Variants in SLC26A7 observed in about 807,000 individuals in gnomAD.
SLC26A7 encodes the protein anion exchange transporter.
A neutral mutation model predicts 82.5 loss-of-function variants in SLC26A7; 59 were observed. That is an observed-to-expected ratio of 0.72 (90% CI 0.58 to 0.89). The LOEUF is 0.89. Among genes scored for constraint, SLC26A7 ranks in the 40% least tolerant of loss-of-function variants. The pLI is 0.00. For missense variants in SLC26A7, 820 were observed against 793.0 expected, an observed-to-expected ratio of 1.03 and a Z score of -0.41; for synonymous variants, 271 against 274.3, an observed-to-expected ratio of 0.99 and a Z score of 0.12.
chr8:91,214,420 T>C (rs1317163756), intron 1 of SLC26A7, among the ~76,000 whole-genome samples: 2 of 152,176 alleles, frequency 1.3e-5, no homozygotes, highest in African/African-American at 4.8e-5. Flanking sequence ...ACATGTGCAC[T>C]TTCCAACAAC....
At chr8:91,294,641 C>G (rs1354782118) in intron 3 of SLC26A7, among the ~76,000 whole-genome samples, 1 of 152,126 alleles carries the variant, frequency 6.6e-6, no homozygotes, top group Non-Finnish European at 1.5e-5. Flanking sequence ...TTCTATAACC[C>G]AAATTTGCCA....
chr8:91,332,604 T>C (rs1813124706), intron 5 of SLC26A7, among the ~76,000 whole-genome samples: 2 of 150,968 alleles, frequency 1.3e-5, no homozygotes, highest in Non-Finnish European at 2.9e-5. Context: ...CATAGCTCAC[T>C]GTAACCTAGA....
At chr8:91,210,020 G>A (rs573021315) in intron 1 of SLC26A7, among the ~76,000 whole-genome samples, 4 of 152,242 alleles carry the variant, frequency 2.6e-5, no homozygotes, top group South Asian at 2.1e-4. Flanking sequence ...AAAATGTAAC[G>A]TTAGAAGCAT....
intron 4 of SLC26A7, among the ~76,000 whole-genome samples, chr8:91,315,641 C>T (rs763165704): frequency 2.0e-5 from 3 of 152,126 alleles, no homozygotes; most frequent in African/African-American, 7.2e-5. Flanking sequence ...CCCCCATATT[C>T]TTTTCTTTAT....
In SLC26A7 at chr8:91,257,626, A is replaced by T. The variant is rs183625199; in HGVS notation, c.193+7782A>T. ...ACACCATTTCTCAAAATAAAAAAAT[A>T]AAAAAAAAACACATTTTTTCCCCTT... On this transcript the variant is annotated intron_variant, in intron 2 of 18. Transcript: ENST00000276609. 4.5e-3 allele frequency among the ~76,000 whole-genome samples: 659 copies of T among 147,954 alleles called. 4 individuals carry two copies. The highest frequency in any genetic ancestry group is 0.016 in the African/African-American group (611 of 39,260).
At chr8:91,359,777 T>A (rs1313083438) in intron 11 of SLC26A7, among the ~76,000 whole-genome samples, 1 of 152,184 alleles carries the variant, frequency 6.6e-6, no homozygotes, top group Non-Finnish European at 1.5e-5. Flanking sequence ...TTGCACAGAC[T>A]TTTGTGGATA....
chr8:91,359,943 A>G (rs931511981), intron 11 of SLC26A7, among the ~76,000 whole-genome samples: 2 of 151,966 alleles, frequency 1.3e-5, no homozygotes, highest in African/African-American at 4.8e-5. Context: ...TTAAAATATC[A>G]TGTACATAGT....
chr8:91,234,879 C>T (rs559682704), intron 2 of SLC26A7, among the ~76,000 whole-genome samples: 30 of 146,628 alleles, frequency 2.0e-4, no homozygotes, highest in Non-Finnish European at 3.6e-4. Flanking sequence ...CTTCTTCCCT[C>T]CTTCCTTTCT....
intron 9 of SLC26A7, among the ~76,000 whole-genome samples, chr8:91,348,745 C>T (rs1288485734): frequency 2.6e-5 from 4 of 151,788 alleles, no homozygotes; most frequent in Non-Finnish European, 4.4e-5. Context: ...GGAACAAGCT[C>T]ATCTCTTTTG....
At chr8:91,260,776 C>G (rs1048935089) in intron 2 of SLC26A7, among the ~76,000 whole-genome samples, 2 of 151,978 alleles carry the variant, frequency 1.3e-5, no homozygotes, top group African/African-American at 4.8e-5. Context: ...GCTTGTGAGA[C>G]CTCACCTGTG....
At position 91,383,369 on chromosome 8, in the gene SLC26A7, A is replaced by G. The variant is rs574249461; in HGVS notation, c.1676-5969A>G. 2.6e-5 allele frequency among the ~76,000 whole-genome samples: 4 copies of G among 152,316 alleles called. No individual in the cohort carries two copies. In the South Asian group the frequency reaches 6.2e-4, roughly 24 times the overall value. On this transcript the variant is annotated intron_variant, in intron 15 of 18. Coordinates refer to ENST00000276609, the MANE Select transcript of SLC26A7 (RefSeq NM_052832.4). ...GGTAGGACAATGGTAAACTTAAGCT[A>G]AATAAAGTCATCCAGGAGACATCAA...
At chr8:91,375,921 T>A (rs1179599663) in intron 15 of SLC26A7, among the ~76,000 whole-genome samples, 1 of 152,098 alleles carries the variant, frequency 6.6e-6, no homozygotes, top group Non-Finnish European at 1.5e-5. Context: ...TCTTAAAGGC[T>A]TTGTTTGATT....
intron 2 of SLC26A7, among the ~76,000 whole-genome samples, chr8:91,279,560 T>C (rs1041188814): frequency 9.9e-5 from 15 of 152,130 alleles, no homozygotes; most frequent in Admixed American, 9.8e-4. Context: ...GTTGTGTATT[T>C]TATTTTATTT....
chr8:91,366,974 G>A (rs772866100), intron 14 of SLC26A7, among the ~76,000 whole-genome samples: 1 of 151,858 alleles, frequency 6.6e-6, no homozygotes, highest in African/African-American at 2.4e-5. Flanking sequence ...TAAGACAAAT[G>A]ATCCAATTTA....
rs960760611 is a variant in SLC26A7, at chr8:91,273,386, G to A, written c.194-15750G>A. ...TTTGTAGAATAGAAAGAGAAATTAGGATGGAAGTAACCTTGGGAATGCTGA... is the reference window on the plus strand; with the variant it reads ...TTTGTAGAATAGAAAGAGAAATTAGAATGGAAGTAACCTTGGGAATGCTGA... On this transcript the variant is annotated intron_variant, in intron 2 of 18. Coordinates refer to ENST00000276609, the MANE Select transcript of SLC26A7 (RefSeq NM_052832.4). Among the ~76,000 whole-genome samples, 10 of 152,068 alleles carry A rather than the reference G, an allele frequency of 6.6e-5. 1 individual carries two copies. Among genetic ancestry groups the A allele is most frequent in the Non-Finnish European group, 1.2e-4 (8 of 68,002 alleles).
intron 2 of SLC26A7, among the ~76,000 whole-genome samples, chr8:91,227,753 AT>A (rs1481417227): frequency 6.6e-6 from 1 of 152,160 alleles, no homozygotes; most frequent in Admixed American, 6.5e-5. Context: ...ATTAATGGAG[AT>A]TACCAAGAAA....
chr8:91,271,183 TC>T (rs1264055820), intron 2 of SLC26A7, among the ~76,000 whole-genome samples: 1 of 152,212 alleles, frequency 6.6e-6, no homozygotes, highest in Non-Finnish European at 1.5e-5. Flanking sequence ...TCACATTTCC[TC>T]CCTTCCATGC....
chr8:91,325,769 T>C (rs1014801087), intron 5 of SLC26A7, among the ~76,000 whole-genome samples: 1 of 152,164 alleles, frequency 6.6e-6, no homozygotes, highest in Non-Finnish European at 1.5e-5. Context: ...GAAAAATTCT[T>C]TGCTGGACTG....
chr8:91,374,915 G>C (rs889919352), intron 15 of SLC26A7, among the ~76,000 whole-genome samples: 3 of 151,916 alleles, frequency 2.0e-5, no homozygotes, highest in African/African-American at 7.2e-5. Flanking sequence ...GTGCTTCACT[G>C]TTTGATGCAT....
Sources: gnomAD v4.1 joint callset for allele counts (sites outside exome capture counted in the v4.1 genomes callset) on GRCh38, gnomAD v4.1.1 for gene constraint, MANE v1.5 for transcripts, NCBI Gene and HGNC (gene_info 2026-07-23, HGNC 2026-07-21) for gene names.